Variants in MGAT4C observed in about 807,000 individuals in gnomAD.
MGAT4C encodes the protein alpha-1,3-mannosyl-glycoprotein 4-beta-N-acetylglucosaminyltransferase C.
A neutral mutation model predicts 40.1 loss-of-function variants in MGAT4C; 19 were observed. That is an observed-to-expected ratio of 0.47 (90% CI 0.33 to 0.70). MGAT4C has a LOEUF of 0.70. MGAT4C is among the 30% of genes least tolerant of loss of function. The pLI, the probability that MGAT4C is intolerant of heterozygous loss-of-function variation, is 0.02. For synonymous variants in MGAT4C, 181 were observed against 187.1 expected, an observed-to-expected ratio of 0.97 and a Z score of 0.27; for missense variants, 491 against 563.2, an observed-to-expected ratio of 0.87 and a Z score of 1.30.
chr12:86,808,125 T>C (rs1211089312), intron 1 of MGAT4C, among the ~76,000 whole-genome samples: 2 of 152,052 alleles, frequency 1.3e-5, no homozygotes, highest in Non-Finnish European at 2.9e-5. Context: ...GTTTTGAAAT[T>C]GAGGCAGTAA....
intron 2 of MGAT4C, among the ~76,000 whole-genome samples, chr12:86,624,640 C>T (rs1962743745): frequency 6.6e-6 from 1 of 152,048 alleles, no homozygotes; most frequent in South Asian, 2.1e-4. Flanking sequence ...CAAAATAAAT[C>T]CTGGACAGTG....
At chr12:86,090,676 C>G (rs1285778813) in intron 1 of MGAT4C, among the ~76,000 whole-genome samples, 1 of 151,834 alleles carries the variant, frequency 6.6e-6, no homozygotes, top group African/African-American at 2.4e-5. Context: ...ATATATACCT[C>G]TAAACAATGA....
intron 1 of MGAT4C, among the ~76,000 whole-genome samples, chr12:86,833,656 C>G (rs748669082): frequency 3.9e-5 from 6 of 151,916 alleles, no homozygotes; most frequent in Non-Finnish European, 8.8e-5. Flanking sequence ...TTAATGAACC[C>G]ATCTACAAAT....
At chr12:86,714,179 G>A (rs1351906253) in intron 2 of MGAT4C, among the ~76,000 whole-genome samples, 4 of 152,062 alleles carry the variant, frequency 2.6e-5, no homozygotes. Flanking sequence ...AAGACAGAGA[G>A]AAAATACTTC....
chr12:86,057,146 T>C lies in MGAT4C; in HGVS notation c.-56-7423A>G, dbSNP rs115626935. Reference sequence around the variant, plus strand: ...ATTTGCAGATTCCATAATAATGTATTTCTAAAATTATGTAAACTCTTTTAC... The same window carrying C: ...ATTTGCAGATTCCATAATAATGTATCTCTAAAATTATGTAAACTCTTTTAC... On this transcript the variant is annotated intron_variant, in intron 1 of 4. Coordinates refer to ENST00000611864, the MANE Select transcript of MGAT4C (RefSeq NM_001351288.2). 2.7e-3 allele frequency among the ~76,000 whole-genome samples: 404 copies of C among 152,226 alleles called. 3 individuals are homozygous for C. The highest frequency in any genetic ancestry group is 0.01 in the Middle Eastern group (3 of 294).
In MGAT4C at chr12:86,700,589, G is replaced by A. The variant is rs554723581; in HGVS notation, c.-229+26620C>T. Among the ~76,000 whole-genome samples the A allele has an allele frequency of 3.9e-4, 59 of 152,146 alleles. 1 individual carries two copies. In the South Asian group the frequency reaches 9.7e-3, roughly 25 times the overall value. ...TTCAGTAAGGTCAAGAAAAGGTTAC[G>A]TATGTATTATAGTGGGTGCATATAG... is the stretch of plus-strand genomic sequence containing the variant. On this transcript the variant is annotated intron_variant, in intron 2 of 7. Transcript: ENST00000548651.
At position 86,700,174 on chromosome 12, in the gene MGAT4C, C is replaced by CAGATAGATAGATAGAT. The variant is rs1451228380; in HGVS notation, c.-229+27034_-229+27035insATCTATCTATCTATCT. On this transcript the variant is annotated intron_variant, in intron 2 of 7. Transcript: ENST00000548651. The stretch of plus-strand genomic sequence containing the variant: ...ACAGACAGACAGACAGACAGACAGA[C>CAGATAGATAGATAGAT]AGACAGATAGATAGATAGATAGATA... Among the ~76,000 whole-genome samples, 6 of 140,866 alleles carry CAGATAGATAGATAGAT rather than the reference C, an allele frequency of 4.3e-5. No homozygotes were observed. In the East Asian group the frequency reaches 1.1e-3, roughly 25 times the overall value. The allele number at this position is 140,866 out of a possible 152,430, so 92.4% of individuals were successfully genotyped here.
chr12:86,329,310 C>G (rs977339582), intron 4 of MGAT4C, among the ~76,000 whole-genome samples: 12 of 151,946 alleles, frequency 7.9e-5, no homozygotes, highest in Admixed American at 3.3e-4. Context: ...TTGGGATTTA[C>G]TTTCTATGTT....
chr12:86,360,569 T>C (rs1235710951), intron 3 of MGAT4C, among the ~76,000 whole-genome samples: 1 of 152,158 alleles, frequency 6.6e-6, no homozygotes, highest in East Asian at 1.9e-4. Flanking sequence ...GATTACATGA[T>C]TGTATATTTA....
intron 2 of MGAT4C, among the ~76,000 whole-genome samples, chr12:86,021,507 A>T (rs916142071): frequency 6.8e-6 from 1 of 147,140 alleles, no homozygotes; most frequent in Non-Finnish European, 1.5e-5. Flanking sequence ...CAAACACCGC[A>T]TGTTCTTACT....
chr12:86,086,438 T>A (rs1024921119), intron 1 of MGAT4C, among the ~76,000 whole-genome samples: 3 of 151,964 alleles, frequency 2.0e-5, no homozygotes, highest in Admixed American at 6.6e-5. Flanking sequence ...CTAATGTAGA[T>A]GACGGGTTGA....
At position 86,398,955 on chromosome 12, in the gene MGAT4C, A is replaced by G. The variant is rs111389507; in HGVS notation, c.-120+36202T>C. Among the ~76,000 whole-genome samples, 495 of 151,990 alleles carry G rather than the reference A, an allele frequency of 3.3e-3. 1 individual carries two copies. Among genetic ancestry groups the G allele is most frequent in the African/African-American group, 0.012 (478 of 41,500 alleles). On this transcript the variant is annotated intron_variant, in intron 3 of 7. Transcript: ENST00000548651. ...GTATTAGATGACAGGCTTTTTGTCCAATTACATTTGTTTTTATTTATTTAT... is the reference window on the plus strand; with the variant it reads ...GTATTAGATGACAGGCTTTTTGTCCGATTACATTTGTTTTTATTTATTTAT...
intron 1 of MGAT4C, among the ~76,000 whole-genome samples, chr12:86,820,866 G>A (rs990206054): frequency 3.3e-5 from 5 of 150,800 alleles, no homozygotes; most frequent in African/African-American, 9.7e-5. Flanking sequence ...TATCTTACAT[G>A]TATCTCTATT....
At chr12:86,780,698 G>C (rs1393635189) in intron 1 of MGAT4C, among the ~76,000 whole-genome samples, 1 of 152,104 alleles carries the variant, frequency 6.6e-6, no homozygotes, top group African/African-American at 2.4e-5. Context: ...GTCTCAGATA[G>C]TTCATTATAG....
intron 1 of MGAT4C, among the ~76,000 whole-genome samples, chr12:86,095,228 C>CTTG: frequency 6.6e-6 from 1 of 152,174 alleles, no homozygotes; most frequent in Non-Finnish European, 1.5e-5. Flanking sequence ...ATGAACAATG[C>CTTG]TTGGAGATCC....
intron 2 of MGAT4C, among the ~76,000 whole-genome samples, chr12:86,548,754 C>G (rs1296214721): frequency 2.0e-5 from 3 of 152,078 alleles, no homozygotes; most frequent in Non-Finnish European, 4.4e-5. Flanking sequence ...GTCTCTTTAT[C>G]TGTAAAATGT....
intron 1 of MGAT4C, among the ~76,000 whole-genome samples, chr12:86,767,977 C>A (rs1440164749): frequency 6.6e-6 from 1 of 152,198 alleles, no homozygotes; most frequent in Non-Finnish European, 1.5e-5. Flanking sequence ...TGCCCTCTCT[C>A]ACCACTCCTA....
intron 2 of MGAT4C, among the ~76,000 whole-genome samples, chr12:86,702,395 C>G (rs1950378887): frequency 6.6e-6 from 1 of 152,068 alleles, no homozygotes; most frequent in African/African-American, 2.4e-5. Flanking sequence ...AGATGCCATC[C>G]AGGACTGTCA....
intron 1 of MGAT4C, among the ~76,000 whole-genome samples, chr12:86,785,913 A>G (rs1359774378): frequency 6.6e-6 from 1 of 152,016 alleles, no homozygotes; most frequent in Admixed American, 6.6e-5. Context: ...CATTCCAAGT[A>G]AAAAACCAGT....
Sources: gnomAD v4.1 joint callset for allele counts (sites outside exome capture counted in the v4.1 genomes callset) on GRCh38, gnomAD v4.1.1 for gene constraint, MANE v1.5 for transcripts, NCBI Gene and HGNC (gene_info 2026-07-23, HGNC 2026-07-21) for gene names.